The following PLCL2 variants were observed in gnomAD, a reference collection of about 807,000 sequenced individuals.
The protein encoded by PLCL2 is phospholipase C like 2.
In PLCL2, 4 loss-of-function variants were observed where a neutral mutation model predicts 79.6. That is an observed-to-expected ratio of 0.05 (90% confidence interval 0.02 to 0.11). The LOEUF is 0.11. Ranked by LOEUF, PLCL2 falls within the 10% of genes least tolerant of loss-of-function variation. The pLI is 1.00. For missense variants in PLCL2, 895 were observed against 1,291.0 expected (o/e 0.69, Z 4.70); for synonymous variants, 484 against 457.7 (o/e 1.06, Z -0.73).
At chr3:16,988,399 A>T (rs1231772265) in intron 1 of PLCL2, among the ~76,000 whole-genome samples, 1 of 152,132 alleles carries the variant, frequency 6.6e-6, no homozygotes, top group Non-Finnish European at 1.5e-5. Flanking sequence ...TCACAGTCTT[A>T]GTGAAGATAC....
intron 3 of PLCL2, among the ~76,000 whole-genome samples, chr3:17,018,649 G>C (rs938342561): frequency 6.6e-6 from 1 of 152,120 alleles, no homozygotes; most frequent in South Asian, 2.1e-4. Context: ...CATACATCAT[G>C]ACCATAAAGT....
intron 1 of PLCL2, among the ~76,000 whole-genome samples, chr3:16,899,658 G>A (rs1696572778): frequency 6.6e-6 from 1 of 152,068 alleles, no homozygotes; most frequent in African/African-American, 2.4e-5. Flanking sequence ...CGGGACCAGG[G>A]CAAGTACTTT....
intron 1 of PLCL2, among the ~76,000 whole-genome samples, chr3:16,966,966 CT>C (rs1486471388): frequency 6.6e-6 from 1 of 152,038 alleles, no homozygotes; most frequent in Non-Finnish European, 1.5e-5. Flanking sequence ...TTCTTCCCTT[CT>C]GTGTATCCCT....
chr3:16,996,623 G>A (rs1368150923), intron 1 of PLCL2, among the ~76,000 whole-genome samples: 5 of 152,008 alleles, frequency 3.3e-5, no homozygotes, highest in Non-Finnish European at 7.4e-5. Flanking sequence ...TGGTTTTACA[G>A]GAATTTGAGG....
chr3:17,072,448 C>T (rs1157099640), intron 5 of PLCL2, among the ~76,000 whole-genome samples: 1 of 152,036 alleles, frequency 6.6e-6, no homozygotes, highest in African/African-American at 2.4e-5. Flanking sequence ...CTGCATGGAT[C>T]ACCTGAGGTC....
At chr3:17,004,079 AG>A (rs1333887947) in intron 1 of PLCL2, among the ~76,000 whole-genome samples, 1 of 152,158 alleles carries the variant, frequency 6.6e-6, no homozygotes, top group East Asian at 1.9e-4. Context: ...AACCCAGAAC[AG>A]TTTCTTGTGT....
chr3:16,922,160 A>G (rs1276692515), intron 1 of PLCL2, among the ~76,000 whole-genome samples: 2 of 152,194 alleles, frequency 1.3e-5, no homozygotes, highest in East Asian at 3.8e-4. Flanking sequence ...AGTTTTTGTT[A>G]TGTTAAAACT....
chr3:17,033,595 TACAC>T (rs1266335084), intron 3 of PLCL2, among the ~76,000 whole-genome samples: 2 of 152,170 alleles, frequency 1.3e-5, no homozygotes, highest in Non-Finnish European at 2.9e-5. Context: ...GAACTGAAAT[TACAC>T]ACACACCCCT....
intron 3 of PLCL2, among the ~76,000 whole-genome samples, chr3:17,042,257 C>T (rs2064731075): frequency 6.6e-6 from 1 of 152,060 alleles, no homozygotes; most frequent in African/African-American, 2.4e-5. Flanking sequence ...TGATTCTTTC[C>T]CTTCTTCAAG....
chr3:16,942,684 C>G (rs1335097224), intron 1 of PLCL2, among the ~76,000 whole-genome samples: 16 of 152,170 alleles, frequency 1.1e-4, no homozygotes, highest in Non-Finnish European at 2.9e-5. Flanking sequence ...ATTGCTTTCT[C>G]ATGTTTTCAC....
At chr3:16,954,016 T>C (rs573300110) in intron 1 of PLCL2, among the ~76,000 whole-genome samples, 14 of 152,232 alleles carry the variant, frequency 9.2e-5, no homozygotes, top group Middle Eastern at 3.4e-3. Flanking sequence ...CATTTTTGTT[T>C]GTTTGTTTTT....
intron 5 of PLCL2, among the ~76,000 whole-genome samples, chr3:17,087,550 A>G (rs1379114952): frequency 6.6e-6 from 1 of 152,204 alleles, no homozygotes; most frequent in South Asian, 2.1e-4. Context: ...GGGTGGTGGA[A>G]CTATTCTGCA....
intron 1 of PLCL2, among the ~76,000 whole-genome samples, chr3:16,894,863 GAT>G (rs538536827): frequency 3.3e-5 from 5 of 150,798 alleles, no homozygotes; most frequent in Non-Finnish European, 7.4e-5. Flanking sequence ...TGTCTTTTGT[GAT>G]ATATATATAT....
intron 1 of PLCL2, among the ~76,000 whole-genome samples, chr3:16,923,613 C>G (rs747500019): frequency 4.6e-5 from 7 of 152,194 alleles, no homozygotes; most frequent in Non-Finnish European, 1.0e-4. Context: ...ACTCACATAA[C>G]CACTTCTGTT....
chr3:17,027,459 C>T (rs541555548), intron 3 of PLCL2, among the ~76,000 whole-genome samples: 1 of 152,172 alleles, frequency 6.6e-6, no homozygotes, highest in African/African-American at 2.4e-5. Context: ...GTAGTTGCGA[C>T]AGAAACTAAG....
At chr3:16,895,453 CAT>C (rs1001710401) in intron 1 of PLCL2, among the ~76,000 whole-genome samples, 1 of 152,026 alleles carries the variant, frequency 6.6e-6, no homozygotes, top group Non-Finnish European at 1.5e-5. Context: ...AATTCAGCAC[CAT>C]TTATTTGAAA....
intron 1 of PLCL2, among the ~76,000 whole-genome samples, chr3:16,902,125 C>T (rs1211780197): frequency 1.3e-5 from 2 of 152,226 alleles, no homozygotes; most frequent in East Asian, 3.8e-4. Context: ...GTATTCACAT[C>T]CAACCTTCCC....
chr3:17,018,736 A>T (rs1362844262), intron 3 of PLCL2, among the ~76,000 whole-genome samples: 1 of 152,230 alleles, frequency 6.6e-6, no homozygotes, highest in Non-Finnish European at 1.5e-5. Flanking sequence ...AGTGGCATAT[A>T]ATAGAAATTT....
chr3:16,939,256 G>T (rs1034278703), intron 1 of PLCL2, among the ~76,000 whole-genome samples: 1 of 152,160 alleles, frequency 6.6e-6, no homozygotes, highest in Non-Finnish European at 1.5e-5. Context: ...GTCTTCTAGA[G>T]TTTAATAGGT....
Sources: allele counts gnomAD v4.1 joint callset (sites outside exome capture counted in the v4.1 genomes callset), GRCh38; gene constraint gnomAD v4.1.1; transcripts MANE v1.5; gene names NCBI Gene and HGNC (gene_info 2026-07-23, HGNC 2026-07-21).